The following CGREF1 variants were observed in gnomAD, a reference collection of about 807,000 sequenced individuals.
CGREF1 encodes cell growth regulator with EF hand domain protein 1.
Under a neutral mutation model 17.4 loss-of-function variants are expected in CGREF1, and 16 were observed. The observed-to-expected ratio is 0.92, with a 90% CI of 0.62 to 1.40. CGREF1 has a LOEUF of 1.40. Ranked by LOEUF, CGREF1 falls within the 40% of genes most tolerant of loss-of-function variation. The pLI, the probability that CGREF1 is intolerant of heterozygous loss-of-function variation, is 0.00. For missense variants in CGREF1, 296 were observed against 376.4 expected (o/e 0.79, Z 1.77); for synonymous variants, 142 against 154.6 (o/e 0.92, Z 0.61).
At chr2:27,102,650 C>A (rs1558458936) in intron 2 of CGREF1, 59 bp from the exon 3 acceptor site, 2 of 1,523,232 alleles carry the variant, frequency 1.3e-6, no homozygotes. Flanking sequence ...CCCAGCCTGC[C>A]AACCTTCTGC....
rs2384572 is a variant in CGREF1, at chr2:27,101,883, G to C, written c.348C>G (p.Ile116Met). ...AANSPTTNPVILIVDKVLETQ... is the reference protein window; with the variant it reads ...AANSPTTNPVMLIVDKVLETQ... ...TCTCGAGCACTTTGTCCACTATCAA[G>C]ATCACCTGTGGAAGCAGAGTCACTG... is the stretch of plus-strand genomic sequence containing the variant. Residue 116 changes from isoleucine to methionine, a missense_variant, in exon 6 of 6, where the codon ATC becomes ATG. This residue lies in a region of CGREF1 where 247 missense variants were observed against 267.2 expected (regional missense o/e 0.92). Transcript: ENST00000402394. 1 of 1,611,016 alleles carries C rather than the reference G, an allele frequency of 6.2e-7. No individual in the cohort carries two copies. The highest frequency in any genetic ancestry group is 8.5e-7 in the Non-Finnish European group (1 of 1,178,916).
intron 1 of CGREF1, among the ~76,000 whole-genome samples, chr2:27,114,506 C>G (rs1008151892): frequency 6.6e-6 from 1 of 152,186 alleles, no homozygotes; most frequent in Non-Finnish European, 1.5e-5. Context: ...ATGATCTGGA[C>G]TTAGTGACTG....
In CGREF1 at chr2:27,104,312, C is replaced by A. The variant is rs779264718; in HGVS notation, c.55G>T (p.Ala19Ser). The stretch of plus-strand genomic sequence containing the variant: ...CTTGTGACTCCATCCTTTGGGGCAG[C>A]CTGACCCGTGGGGAGCAGCAGCAGG... ...LILLLLPTGQ[A>S]APKDGVTRPD... Residue 19 changes from alanine to serine, a missense_variant, in exon 2 of 6, where the codon GCT (alanine) becomes TCT (serine). Physicochemically the swap from Ala to Ser is moderately conservative, Grantham distance 99 (BLOSUM62 1). Coordinates refer to ENST00000402394, the MANE Select transcript of CGREF1 (RefSeq NM_006569.6). 1.3e-6 allele frequency: 2 copies of A among 1,577,206 alleles called. No individual in the cohort carries two copies. The highest frequency in any genetic ancestry group is 3.5e-5 in the Admixed American group (2 of 57,738).
downstream of CGREF1, chr2:27,100,355 C>A: frequency 8.9e-7 from 1 of 1,123,932 alleles, no homozygotes; most frequent in Non-Finnish European, 1.2e-6. Context: ...TCTTCATTGT[C>A]CAGAAATACC....
rs1335700571 is a variant in CGREF1 at position 27,104,463 on chromosome 2, T to C, written c.-11-86A>G. On this transcript the variant is annotated intron_variant, in intron 1 of 5. Coordinates refer to ENST00000402394, the MANE Select transcript of CGREF1 (RefSeq NM_006569.6). ...TGGGCTGGGTTAGACACAAGCGCAT[T>C]TTCTGCCTGCTTCTACCTGCAGCCC... is the stretch of plus-strand genomic sequence containing the variant. 2.6e-6 allele frequency: 4 copies of C among 1,562,318 alleles called. No individual in the cohort carries two copies. In the Admixed American group the frequency reaches 7.7e-5, roughly 30 times the overall value.
downstream of CGREF1, chr2:27,099,471 T>C: frequency 6.2e-7 from 1 of 1,614,086 alleles, no homozygotes; most frequent in Non-Finnish European, 8.5e-7. Flanking sequence ...CCCTGGGCCC[T>C]GATGGCAAAT....
intron 1 of CGREF1, among the ~76,000 whole-genome samples, chr2:27,116,960 T>C (rs59794381): frequency 6.8e-6 from 1 of 147,158 alleles, no homozygotes; most frequent in Non-Finnish European, 1.5e-5. Flanking sequence ...TCACCCAGGC[T>C]GGAGTGCAGT....
intron 5 of CGREF1, 93 bp from the exon 6 acceptor site, chr2:27,101,981 C>T (rs1317956335): frequency 2.6e-6 from 4 of 1,564,102 alleles, no homozygotes; most frequent in Non-Finnish European, 3.5e-6. Flanking sequence ...CCCTGCCGTG[C>T]AAGCTCTGAG....
chr2:27,109,181 G>A (rs540452079), intron 1 of CGREF1, among the ~76,000 whole-genome samples: 1 of 151,990 alleles, frequency 6.6e-6, no homozygotes, highest in Admixed American at 6.5e-5. Context: ...ACCAGCCTGG[G>A]CAATATAGTG....
Position 27,102,172 on chromosome 2 carries a change from C to T in CGREF1, c.267G>A (p.Leu89=). ...ALHDYDQSGQ[L]DGLELLSMLT... is the part of the protein sequence containing the mutation. ...ACATGGACAGCAGCTCCAGGCCATC[C>T]AGCTGTCCACTCTGGTCATAGTCAT... The change falls in exon 5 of 6, where the codon CTG becomes CTA. Residue 89 remains leucine, a synonymous_variant. Transcript: ENST00000402394. The T allele has an allele frequency of 6.2e-7, 1 of 1,612,526 alleles. No homozygotes were observed. The highest frequency in any genetic ancestry group is 8.5e-7 in the Non-Finnish European group (1 of 1,178,738).
intron 1 of CGREF1, among the ~76,000 whole-genome samples, chr2:27,109,929 G>A (rs1323464895): frequency 7.6e-6 from 1 of 132,024 alleles, no homozygotes; most frequent in Admixed American, 7.5e-5. Context: ...AAAATTTTAA[G>A]GATAACCATT....
At chr2:27,111,814 G>A (rs1251707902) in intron 1 of CGREF1, among the ~76,000 whole-genome samples, 2 of 151,914 alleles carry the variant, frequency 1.3e-5, no homozygotes, top group African/African-American at 2.4e-5. Context: ...GCCGGCAAGC[G>A]CCGCGCGCAG....
At chr2:27,100,110 A>G, downstream of CGREF1, 1 of 568,096 alleles carries the variant, frequency 1.8e-6, no homozygotes. Context: ...TAGAGCAGCG[A>G]GAAGTGCCCT....
rs763629685 is a variant in CGREF1, at chr2:27,101,604, C to G, written c.627G>C (p.Gly209=). ...CATCTCCATCAGCCTCTGCCTGGCC[C>G]CCAGGCTCCTGGACAGGATCCAAAG... ...RESLDPVQEP[G]GQAEADGDVP... Residue 209 remains glycine (G), a synonymous_variant, in exon 6 of 6, where the codon GGG becomes GGC. Transcript: ENST00000402394. The G allele has an allele frequency of 1.9e-6, 3 of 1,613,966 alleles. No homozygotes were observed. The highest frequency in any genetic ancestry group is 2.2e-5 in the East Asian group (1 of 44,890).
chr2:27,116,925 T>TC lies in CGREF1; in HGVS notation c.-12+1920_-12+1921insG, dbSNP rs1671608225. 1.1e-4 allele frequency among the ~76,000 whole-genome samples: 7 copies of TC among 62,124 alleles called. No homozygotes were observed. In the East Asian group the frequency reaches 1.4e-3, roughly 12 times the overall value. 40.8% of individuals were successfully genotyped at this position (62,124 alleles called of 152,430 possible). A position where few individuals can be genotyped will look rare whatever the true frequency, so the allele number is the denominator to read the frequency against. ...TCTCTCTCTCTCTCTCTCTCTCTCT[T>TC]TTTTTGAGACAGAGTCTCGCTCTGT... is the stretch of plus-strand genomic sequence containing the variant. On this transcript the variant is annotated intron_variant, in intron 1 of 5. Coordinates refer to ENST00000402394, the MANE Select transcript of CGREF1 (RefSeq NM_006569.6).
chr2:27,107,906 C>T (rs1572897775), intron 1 of CGREF1, among the ~76,000 whole-genome samples: 2 of 143,684 alleles, frequency 1.4e-5, no homozygotes, highest in East Asian at 4.1e-4. Flanking sequence ...TGCACTCCAG[C>T]CTGGGCCACA....
intron 5 of CGREF1, 55 bp from the exon 6 acceptor site, chr2:27,101,943 T>C (rs1220969967): frequency 1.3e-6 from 2 of 1,590,578 alleles, no homozygotes; most frequent in Non-Finnish European, 1.7e-6. Context: ...TCCCAGGAGT[T>C]CTGACCCTCC....
chr2:27,117,729 G>A lies in CGREF1; in HGVS notation c.-12+1117C>T, dbSNP rs555308832. ...AATTTTTTTTTTTTTTTTTTTTTGA[G>A]GCGGAGTCTCGCTCTGTCGCCCAGG... On this transcript the variant is annotated intron_variant, in intron 1 of 5. Coordinates refer to ENST00000402394, the MANE Select transcript of CGREF1 (RefSeq NM_006569.6). 6.3e-3 allele frequency among the ~76,000 whole-genome samples: 539 copies of A among 85,876 alleles called. 3 individuals carry two copies. The highest frequency in any genetic ancestry group is 0.019 in the African/African-American group (516 of 27,000). 56.3% of individuals were successfully genotyped at this position (85,876 alleles called of 152,430 possible). A position where few individuals can be genotyped will look rare whatever the true frequency, so the allele number is the denominator to read the frequency against.
chr2:27,110,318 T>C (rs2148393537), intron 1 of CGREF1, among the ~76,000 whole-genome samples: 1 of 152,160 alleles, frequency 6.6e-6, no homozygotes, highest in South Asian at 2.1e-4. Flanking sequence ...GGGAAGAACA[T>C]TTGAACGTGG....
Sources: allele counts gnomAD v4.1 joint callset (sites outside exome capture counted in the v4.1 genomes callset), GRCh38; gene constraint gnomAD v4.1.1; regional missense constraint gnomAD v4.1.1; transcripts MANE v1.5; gene names NCBI Gene and HGNC (gene_info 2026-07-23, HGNC 2026-07-21).